Variants in FAF1 observed in about 807,000 individuals in gnomAD.
FAF1 encodes the protein FAS-associated factor 1.
In FAF1, 25 loss-of-function variants were observed where a neutral mutation model predicts 92.5. The ratio of observed to expected loss-of-function variants is 0.27; its 90% CI spans 0.20 to 0.38. The LOEUF is 0.38. Among genes scored for constraint, FAF1 ranks in the 10% least tolerant of loss-of-function variants. The pLI, the probability that FAF1 is intolerant of heterozygous loss-of-function variation, is 1.00. For missense variants in FAF1, 636 were observed against 793.3 expected (o/e 0.80, Z 2.38); for synonymous variants, 234 against 273.2 (o/e 0.86, Z 1.42).
intron 1 of FAF1, among the ~76,000 whole-genome samples, chr1:50,861,480 C>T (rs1644432107): frequency 6.6e-6 from 1 of 151,736 alleles, no homozygotes; most frequent in Admixed American, 6.6e-5. Flanking sequence ...TATGTTCTTA[C>T]TTGTGAGAGT....
chr1:50,777,000 C>T (rs1022054969), intron 4 of FAF1, among the ~76,000 whole-genome samples: 1 of 151,992 alleles, frequency 6.6e-6, no homozygotes, highest in African/African-American at 2.4e-5. Flanking sequence ...TAGCTCATAC[C>T]TCTAATCCTA....
chr1:50,629,972 C>T (rs1177518133), intron 8 of FAF1, among the ~76,000 whole-genome samples: 3 of 151,954 alleles, frequency 2.0e-5, no homozygotes, highest in Middle Eastern at 3.4e-3. Flanking sequence ...GCAGGAGAAT[C>T]GCTTGAACCT....
chr1:50,763,873 A>G (rs1206899808), intron 4 of FAF1, among the ~76,000 whole-genome samples: 1 of 152,190 alleles, frequency 6.6e-6, no homozygotes, highest in Non-Finnish European at 1.5e-5. Context: ...AGAAACCACC[A>G]TTTCCCAAAT....
chr1:50,891,672 G>A (rs555032387), intron 1 of FAF1, among the ~76,000 whole-genome samples: 14 of 152,322 alleles, frequency 9.2e-5, no homozygotes, highest in Admixed American at 5.2e-4. Context: ...GCAGAACAGC[G>A]AATACTGCTG....
At chr1:50,851,390 T>G (rs989298743) in intron 2 of FAF1, among the ~76,000 whole-genome samples, 1 of 152,190 alleles carries the variant, frequency 6.6e-6, no homozygotes, top group African/African-American at 2.4e-5. Flanking sequence ...TTATTTTCTT[T>G]TAAATATCCA....
intron 2 of FAF1, among the ~76,000 whole-genome samples, chr1:50,822,735 T>C (rs1384723737): frequency 2.7e-5 from 4 of 150,916 alleles, no homozygotes; most frequent in African/African-American, 9.8e-5. Context: ...GCTAGTAGTT[T>C]TTTTGGTGTT....
chr1:50,907,470 T>C (rs1644849309), intron 1 of FAF1, among the ~76,000 whole-genome samples: 1 of 152,208 alleles, frequency 6.6e-6, no homozygotes, highest in African/African-American at 2.4e-5. Context: ...AGCTCCTCCT[T>C]GTACCTCTGG....
chr1:50,624,795 C>T (rs1335951052), intron 8 of FAF1, among the ~76,000 whole-genome samples: 1 of 151,946 alleles, frequency 6.6e-6, no homozygotes, highest in Non-Finnish European at 1.5e-5. Flanking sequence ...ATCCAACTGT[C>T]ATAAGTAGAT....
chr1:50,896,796 A>G (rs1165179425), intron 1 of FAF1, among the ~76,000 whole-genome samples: 1 of 152,240 alleles, frequency 6.6e-6, no homozygotes, highest in African/African-American at 2.4e-5. Context: ...AGGGGCATGG[A>G]AAATTTGTGT....
At chr1:50,661,315 G>C (rs978817072) in intron 7 of FAF1, among the ~76,000 whole-genome samples, 3 of 152,104 alleles carry the variant, frequency 2.0e-5, no homozygotes, top group African/African-American at 4.8e-5. Context: ...CTGTGATATA[G>C]TTTTCAAGTT....
At chr1:50,840,445 TAG>T (rs1235251017) in intron 2 of FAF1, among the ~76,000 whole-genome samples, 1 of 151,866 alleles carries the variant, frequency 6.6e-6, no homozygotes, top group African/African-American at 2.4e-5. Context: ...AAGATTTTAA[TAG>T]ATACTTCACC....
At chr1:50,874,348 A>G (rs1028547301) in intron 1 of FAF1, among the ~76,000 whole-genome samples, 11 of 152,164 alleles carry the variant, frequency 7.2e-5, no homozygotes, top group Admixed American at 4.6e-4. Context: ...CATAATTTTA[A>G]TATTTGCTAT....
rs543348291 is a variant in FAF1, at chr1:50,439,170, A to C, written c.*2270T>G. ...CCTGGAGGCTGGGATGTAAAGCCCA[A>C]GGAAGCCTAATGGTAGGAGGAAGAA... On this transcript the variant is annotated 3_prime_UTR_variant, in exon 19 of 19. Transcript: ENST00000396153. 6.6e-6 allele frequency: 1 copy of C among 152,394 alleles called. No homozygotes were observed. The highest frequency in any genetic ancestry group is 2.1e-4 in the South Asian group (1 of 4,834). 9.4% of individuals were successfully genotyped at this position (152,394 alleles called of 1,614,324 possible). A position where few individuals can be genotyped will look rare whatever the true frequency, so the allele number is the denominator to read the frequency against.
At chr1:50,502,882 T>C (rs1647009370) in intron 15 of FAF1, among the ~76,000 whole-genome samples, 1 of 152,126 alleles carries the variant, frequency 6.6e-6, no homozygotes, top group African/African-American at 2.4e-5. Context: ...TGCAGTGGCA[T>C]GACCATAGCT....
chr1:50,708,622 T>C (rs189373433), intron 6 of FAF1, among the ~76,000 whole-genome samples: 1 of 152,016 alleles, frequency 6.6e-6, no homozygotes, highest in Admixed American at 6.5e-5. Flanking sequence ...TTTTTAGGCT[T>C]CGAGGCCAAA....
intron 13 of FAF1, among the ~76,000 whole-genome samples, chr1:50,547,874 T>C (rs1649111374): frequency 6.6e-6 from 1 of 152,216 alleles, no homozygotes; most frequent in Non-Finnish European, 1.5e-5. Context: ...TAAATAATAA[T>C]TGGCTTTTTC....
chr1:50,908,127 A>G (rs1253760881), intron 1 of FAF1, among the ~76,000 whole-genome samples: 21 of 152,016 alleles, frequency 1.4e-4, no homozygotes, highest in African/African-American at 4.1e-4. Flanking sequence ...ATTTCGTTAT[A>G]TACCCAGTAG....
At chr1:50,543,497 TA>T (rs1363843675) in intron 13 of FAF1, among the ~76,000 whole-genome samples, 1 of 152,202 alleles carries the variant, frequency 6.6e-6, no homozygotes, top group Admixed American at 6.5e-5. Flanking sequence ...CACTTACCTT[TA>T]AAACACTTGT....
intron 1 of FAF1, among the ~76,000 whole-genome samples, chr1:50,923,665 T>C (rs1644982841): frequency 6.6e-6 from 1 of 152,102 alleles, no homozygotes; most frequent in Non-Finnish European, 1.5e-5. Context: ...TGAACATAGA[T>C]TCGATAGAAT....
Sources: gnomAD v4.1 joint callset for allele counts (sites outside exome capture counted in the v4.1 genomes callset) on GRCh38, gnomAD v4.1.1 for gene constraint, MANE v1.5 for transcripts, NCBI Gene and HGNC (gene_info 2026-07-23, HGNC 2026-07-21) for gene names.